The following SMAP1 variants were observed in gnomAD, a reference collection of about 807,000 sequenced individuals.
The protein encoded by SMAP1 is stromal membrane-associated protein 1.
A neutral mutation model predicts 58.5 loss-of-function variants in SMAP1; 24 were observed. That is an observed-to-expected ratio of 0.41 (90% confidence interval 0.30 to 0.58). The LOEUF (loss-of-function observed/expected upper bound fraction) is 0.58, where lower values mean the gene tolerates loss of function less well. SMAP1 is among the 20% of genes least tolerant of loss of function. The pLI, the probability that SMAP1 is intolerant of heterozygous loss-of-function variation, is 0.29. For missense variants in SMAP1, 563 were observed against 566.3 expected (o/e 0.99, Z 0.06); for synonymous variants, 216 against 196.6 (o/e 1.10, Z -0.82).
At chr6:70,755,407 G>T (rs958855366) in intron 3 of SMAP1, among the ~76,000 whole-genome samples, 6 of 152,014 alleles carry the variant, frequency 3.9e-5, no homozygotes, top group African/African-American at 1.2e-4. Context: ...GAGTACTAGT[G>T]TAACCATTCT....
intron 5 of SMAP1, among the ~76,000 whole-genome samples, chr6:70,794,788 C>CTTTTTT (rs34050089): frequency 3.4e-4 from 39 of 114,958 alleles, no homozygotes; most frequent in African/African-American, 9.0e-4. Flanking sequence ...ATTTTCTTTT[C>CTTTTTT]TTTTTTTTTT....
intron 1 of SMAP1, among the ~76,000 whole-genome samples, chr6:70,712,108 A>G (rs1768079860): frequency 6.6e-6 from 1 of 152,184 alleles, no homozygotes; most frequent in African/African-American, 2.4e-5. Context: ...GTTTCCTTCT[A>G]TACTTATTCT....
intron 6 of SMAP1, 112 bp from the exon 7 acceptor site, chr6:70,836,829 G>A: frequency 1.2e-6 from 1 of 826,126 alleles, no homozygotes; most frequent in Non-Finnish European, 1.8e-6. Flanking sequence ...ATTATACTAT[G>A]TTTCATATTT....
At chr6:70,851,490 G>T (rs1469039829) in intron 7 of SMAP1, among the ~76,000 whole-genome samples, 1 of 152,196 alleles carries the variant, frequency 6.6e-6, no homozygotes, top group African/African-American at 2.4e-5. Context: ...CTACCAAAGA[G>T]ATATCAAATG....
chr6:70,691,570 C>G (rs998999320), intron 1 of SMAP1, among the ~76,000 whole-genome samples: 5 of 151,914 alleles, frequency 3.3e-5, no homozygotes, highest in Admixed American at 6.6e-5. Flanking sequence ...ATATTTAAAC[C>G]CATTAACCAT....
intron 7 of SMAP1, among the ~76,000 whole-genome samples, chr6:70,850,433 A>G (rs1404572751): frequency 6.6e-6 from 1 of 152,076 alleles, no homozygotes; most frequent in Non-Finnish European, 1.5e-5. Flanking sequence ...GCTTATATTC[A>G]GCTTGTCACC....
At chr6:70,784,984 G>C (rs11760141) in intron 4 of SMAP1, among the ~76,000 whole-genome samples, 1 of 151,898 alleles carries the variant, frequency 6.6e-6, no homozygotes, top group Non-Finnish European at 1.5e-5. Context: ...CTCCACCCCA[G>C]ATCAACAGAA....
chr6:70,860,142 A>G (rs992762603), intron 10 of SMAP1, 58 bp from the exon 11 acceptor site: 1 of 1,509,630 alleles, frequency 6.6e-7, no homozygotes, highest in African/African-American at 1.4e-5. Context: ...GTGGCTAAAG[A>G]AACAAGAATT....
At chr6:70,672,329 T>TCACG (rs1315749782) in intron 1 of SMAP1, among the ~76,000 whole-genome samples, 34 of 152,214 alleles carry the variant, frequency 2.2e-4, no homozygotes, top group Non-Finnish European at 4.6e-4. Flanking sequence ...TTCAAGACCT[T>TCACG]TGCACGTGCT....
chr6:70,702,346 G>T (rs1250689700), intron 1 of SMAP1, among the ~76,000 whole-genome samples: 1 of 151,608 alleles, frequency 6.6e-6, no homozygotes, highest in African/African-American at 2.4e-5. Flanking sequence ...AAGTTAATTA[G>T]GTTGCTGAAA....
Position 70,858,024 on chromosome 6 carries a change from T to C in SMAP1, c.1064T>C (p.Leu355Pro), listed in dbSNP as rs146581543. The C allele has an allele frequency of 8.1e-6, 13 of 1,614,126 alleles. No homozygotes were observed. In the African/African-American group the frequency reaches 1.6e-4, roughly 20 times the overall value. The part of the protein sequence containing the change: ...MGVPVPAAPG[L>P]IGNVMGQSPS... ...GTGCCTGTGCCTGCAGCTCCTGGCC[T>C]TATAGGAAATGTGATGGGACAGAGT... The change falls in exon 10 of 11, where the codon CTT (leucine) becomes CCT (proline). Residue 355 changes from leucine (L) to proline (P), a missense_variant. Physicochemically the swap from Leu to Pro is moderately conservative, Grantham distance 98. Coordinates refer to ENST00000370455, the MANE Select transcript of SMAP1 (RefSeq NM_001044305.3).
intron 7 of SMAP1, among the ~76,000 whole-genome samples, chr6:70,850,751 T>C (rs906158600): frequency 6.6e-6 from 1 of 152,042 alleles, no homozygotes; most frequent in Non-Finnish European, 1.5e-5. Flanking sequence ...AAAAAAGATA[T>C]TCCTTAGTTG....
Position 70,725,093 on chromosome 6 carries a change from G to GTTTTTTTTTTTTTTTTTT in SMAP1, c.119-7261_119-7244dup, listed in dbSNP as rs745587315. Among the ~76,000 whole-genome samples, 5 of 47,778 alleles carry GTTTTTTTTTTTTTTTTTT rather than the reference G, an allele frequency of 1.0e-4. 1 individual carries two copies. Among genetic ancestry groups the GTTTTTTTTTTTTTTTTTT allele is most frequent in the Admixed American group, 3.6e-4 (1 of 2,748 alleles). 31.3% of individuals were successfully genotyped at this position (47,778 alleles called of 152,430 possible). A position where few individuals can be genotyped will look rare whatever the true frequency, so the allele number is the denominator to read the frequency against. ...GACTCCATATCCTAAATTAACCAGTGTTTTTTTTTTTTTTTTTTTTTTTTT... is the reference window on the plus strand; with the variant it reads ...GACTCCATATCCTAAATTAACCAGTGTTTTTTTTTTTTTTTTTTTTTTTTTTTTTTTTTTTTTTTTTTT... On this transcript the variant is annotated intron_variant, in intron 1 of 10. Transcript: ENST00000370455.
chr6:70,790,497 G>A (rs926163751), intron 4 of SMAP1, among the ~76,000 whole-genome samples: 1 of 152,060 alleles, frequency 6.6e-6, no homozygotes, highest in African/African-American at 2.4e-5. Context: ...AGGCTTTAAG[G>A]CTCGACTTTG....
rs552897600 is a variant in SMAP1 at position 70,729,215 on chromosome 6, G to C, written c.119-3163G>C. On this transcript the variant is annotated intron_variant, in intron 1 of 10. Coordinates refer to ENST00000370455, the MANE Select transcript of SMAP1 (RefSeq NM_001044305.3). ...AGCACTTTGGGAGGCCGAGGCGGGC[G>C]GATCACGAGGTCAGGAGATCAAGAC... 3.6e-3 allele frequency among the ~76,000 whole-genome samples: 546 copies of C among 152,076 alleles called. 2 individuals carry two copies. The highest frequency in any genetic ancestry group is 0.013 in the African/African-American group (523 of 41,488).
intron 1 of SMAP1, among the ~76,000 whole-genome samples, chr6:70,677,086 T>C (rs1766510861): frequency 6.6e-6 from 1 of 152,094 alleles, no homozygotes; most frequent in African/African-American, 2.4e-5. Context: ...CCACCTCACC[T>C]TGCGTAAACT....
At position 70,861,028 on chromosome 6, in the gene SMAP1, G is replaced by GTAAC. The variant is rs1259231261; in HGVS notation, c.*702_*705dup. 3.9e-6 allele frequency: 1 copy of GTAAC among 256,054 alleles called. No individual in the cohort carries two copies. Among genetic ancestry groups the GTAAC allele is most frequent in the African/African-American group, 2.2e-5 (1 of 45,472 alleles). The allele number at this position is 256,054 out of a possible 1,614,324, so 15.9% of individuals were successfully genotyped here. The stretch of plus-strand genomic sequence containing the variant: ...TTTTTCTGCACTATATGCAAACAGG[G>GTAAC]TAACTAACTAAAACAAAGCCACTTT... On this transcript the variant is annotated 3_prime_UTR_variant, in exon 11 of 11. Transcript: ENST00000370455.
rs535302440 is a variant in SMAP1, at chr6:70,801,864, A to G, written c.576+3127A>G. ...ATTTCTGAGGCTTCTGTTCTGTTCC[A>G]TTGGTCTATCTCTCTGTTTTGGTAC... is the stretch of plus-strand genomic sequence containing the variant. On this transcript the variant is annotated intron_variant, in intron 6 of 10. Coordinates refer to ENST00000370455, the MANE Select transcript of SMAP1 (RefSeq NM_001044305.3). Among the ~76,000 whole-genome samples the G allele has an allele frequency of 3.9e-5, 6 of 152,200 alleles. No individual in the cohort carries two copies. In the East Asian group the frequency reaches 7.7e-4, roughly 20 times the overall value.
chr6:70,857,628 G>A, intron 9 of SMAP1: 1 of 382,786 alleles, frequency 2.6e-6, no homozygotes, highest in Non-Finnish European at 4.8e-6. Context: ...AACAGTGTAT[G>A]ATGTCATGCT....
Sources: gnomAD v4.1 joint callset for allele counts (sites outside exome capture counted in the v4.1 genomes callset) on GRCh38, gnomAD v4.1.1 for gene constraint, MANE v1.5 for transcripts, NCBI Gene and HGNC (gene_info 2026-07-23, HGNC 2026-07-21) for gene names.